Variants in GPATCH8 observed in about 807,000 individuals in gnomAD.
GPATCH8 encodes G patch domain-containing protein 8.
GPATCH8 carries 18 observed loss-of-function variants against 118.3 expected under a neutral mutation model. That is an observed-to-expected ratio of 0.15 (90% CI 0.11 to 0.23). GPATCH8 has a LOEUF of 0.23. Among genes scored for constraint, GPATCH8 ranks in the 10% least tolerant of loss-of-function variants. The pLI is 1.00. For missense variants in GPATCH8, 1,631 were observed against 1,873.8 expected, an observed-to-expected ratio of 0.87 and a Z score of 2.39; for synonymous variants, 659 against 684.7, an observed-to-expected ratio of 0.96 and a Z score of 0.59.
chr17:44,408,720 A>G (rs1224888862), intron 6 of GPATCH8, among the ~76,000 whole-genome samples: 4 of 152,212 alleles, frequency 2.6e-5, no homozygotes, highest in African/African-American at 9.7e-5. Flanking sequence ...AAGGAACAGG[A>G]CCATGCCCAC....
chr17:44,403,232 T>C (rs948290340), intron 7 of GPATCH8, among the ~76,000 whole-genome samples: 2 of 152,122 alleles, frequency 1.3e-5, no homozygotes, highest in Non-Finnish European at 2.9e-5. Flanking sequence ...TGTACCACCA[T>C]GCCCAGCTAA....
chr17:44,465,808 T>C (rs763714715), intron 2 of GPATCH8: 2 of 152,198 alleles, frequency 1.3e-5, no homozygotes, highest in Admixed American at 6.5e-5. Flanking sequence ...ATCTCCATAT[T>C]CAATGATAAA....
At chr17:44,441,071 G>C (rs1480177403) in intron 3 of GPATCH8, among the ~76,000 whole-genome samples, 1 of 152,076 alleles carries the variant, frequency 6.6e-6, no homozygotes, top group Non-Finnish European at 1.5e-5. Context: ...GGATGGTCTC[G>C]ATCTCTTGAC....
intron 3 of GPATCH8, among the ~76,000 whole-genome samples, chr17:44,457,454 G>A (rs1230494165): frequency 2.6e-5 from 4 of 151,938 alleles, no homozygotes. Context: ...TTCTTAAAAC[G>A]ATGTGTGAGA....
chr17:44,433,878 C>T (rs1200898520), intron 5 of GPATCH8, among the ~76,000 whole-genome samples: 1 of 152,140 alleles, frequency 6.6e-6, no homozygotes, highest in South Asian at 2.1e-4. Flanking sequence ...GTGGCTCACG[C>T]CTGTAATCCC....
intron 3 of GPATCH8, chr17:44,436,904 C>T (rs751661317): frequency 3.9e-6 from 1 of 259,016 alleles, no homozygotes; most frequent in Non-Finnish European, 7.6e-6. Flanking sequence ...TCACTTTACT[C>T]TGCCCACTGA....
At chr17:44,401,990 C>T (rs1410651633) in intron 7 of GPATCH8, among the ~76,000 whole-genome samples, 3 of 145,144 alleles carry the variant, frequency 2.1e-5, no homozygotes, top group Non-Finnish European at 3.0e-5. Flanking sequence ...GGTGACAGAG[C>T]GAGACTCCCT....
chr17:44,474,991 C>G, intron 1 of GPATCH8, 88 bp from the exon 2 acceptor site: 1 of 713,878 alleles, frequency 1.4e-6, no homozygotes, highest in South Asian at 1.6e-5. Flanking sequence ...TTATTTTTAA[C>G]TTTTCTTTTT....
At chr17:44,480,785 C>T (rs565383981) in intron 1 of GPATCH8, among the ~76,000 whole-genome samples, 4 of 151,992 alleles carry the variant, frequency 2.6e-5, no homozygotes, top group South Asian at 4.2e-4. Flanking sequence ...GCAGGAGAAT[C>T]GCTTGAACCC....
intron 3 of GPATCH8, among the ~76,000 whole-genome samples, chr17:44,454,108 A>G (rs1395232323): frequency 6.6e-6 from 1 of 152,136 alleles, no homozygotes; most frequent in East Asian, 1.9e-4. Context: ...GACTTAGTGA[A>G]GTCACCCCTA....
chr17:44,401,070 T>C lies in GPATCH8; in HGVS notation c.1007A>G (p.Glu336Gly), dbSNP rs2058608640. Residue 336 changes from glutamate (E) to glycine (G), a missense_variant, in exon 8 of 8, where the codon GAG (glutamate) becomes GGG (glycine). Coordinates refer to ENST00000591680, the MANE Select transcript of GPATCH8 (RefSeq NM_001002909.4). The stretch of plus-strand genomic sequence containing the variant: ...CTGCAGTCCTTGGTCAGAACTCTTC[T>C]CATCGGGTTTTGTTCCATCTTCAGA... The part of the protein sequence containing the change: ...GTSEDGTKPD[E>G]KSSDQGLQKV... 1 of 1,614,200 alleles carries C rather than the reference T, an allele frequency of 6.2e-7. No individual in the cohort carries two copies. Among genetic ancestry groups the C allele is most frequent in the Non-Finnish European group, 8.5e-7 (1 of 1,180,018 alleles).
In GPATCH8 at chr17:44,419,438, G is replaced by A. The variant is rs2049810321; in HGVS notation, c.492+4911C>T. Among the ~76,000 whole-genome samples, 5 of 152,106 alleles carry A rather than the reference G, an allele frequency of 3.3e-5. No homozygotes were observed. In the South Asian group the frequency reaches 1.0e-3, roughly 32 times the overall value. On this transcript the variant is annotated intron_variant, in intron 6 of 7. Coordinates refer to ENST00000591680, the MANE Select transcript of GPATCH8 (RefSeq NM_001002909.4). ...AAAATATGTCCTTCCTCCTGTTAGG[G>A]GTTATGTGGCTGTGTTGTACCAAGG...
chr17:44,405,564 G>A (rs2049189306), intron 7 of GPATCH8, among the ~76,000 whole-genome samples: 1 of 149,260 alleles, frequency 6.7e-6, no homozygotes, highest in African/African-American at 2.5e-5. Context: ...GAGTACAGTG[G>A]TGCGATCTTG....
At chr17:44,431,621 G>A (rs928144594) in intron 5 of GPATCH8, among the ~76,000 whole-genome samples, 1 of 151,914 alleles carries the variant, frequency 6.6e-6, no homozygotes, top group African/African-American at 2.4e-5. Flanking sequence ...AAGTCTGGTA[G>A]AGCTATTTGG....
chr17:44,429,691 A>AC (rs375714208), intron 5 of GPATCH8, among the ~76,000 whole-genome samples: 46 of 78,290 alleles, frequency 5.9e-4, no homozygotes, highest in South Asian at 1.1e-3. Context: ...CACACAAAAC[A>AC]ACAAACAAAC....
chr17:44,401,545 C>T (rs2049023889), intron 7 of GPATCH8, 92 bp from the exon 8 acceptor site: 2 of 849,740 alleles, frequency 2.4e-6, no homozygotes, highest in Non-Finnish European at 4.1e-6. Context: ...TATATCCTAT[C>T]ATTCATTATA....
chr17:44,441,578 G>A (rs1338633961), intron 3 of GPATCH8, among the ~76,000 whole-genome samples: 1 of 150,902 alleles, frequency 6.6e-6, no homozygotes, highest in Non-Finnish European at 1.5e-5. Context: ...ACAAAAATTA[G>A]CTGGGCGTGG....
intron 2 of GPATCH8, among the ~76,000 whole-genome samples, chr17:44,469,395 C>CTT (rs1347449993): frequency 6.6e-6 from 1 of 152,162 alleles, no homozygotes; most frequent in African/African-American, 2.4e-5. Context: ...ACCACCAATA[C>CTT]ACATGTATGA....
Position 44,397,283 on chromosome 17 carries a change from A to G in GPATCH8, c.*285T>C. ...GGATTATCTAAACTTGACAGTTTGG[A>G]GATGTTGCTGCAGAGGGGTGGGTAG... is the stretch of plus-strand genomic sequence containing the variant. On this transcript the variant is annotated 3_prime_UTR_variant, in exon 8 of 8. Transcript: ENST00000591680. 1.7e-6 allele frequency: 1 copy of G among 599,960 alleles called. No homozygotes were observed. The highest frequency in any genetic ancestry group is 3.1e-6 in the Non-Finnish European group (1 of 320,518). The allele number at this position is 599,960 out of a possible 1,614,324, so 37.2% of individuals were successfully genotyped here. A position where few individuals can be genotyped will look rare whatever the true frequency, so the allele number is the denominator to read the frequency against.
Sources: allele counts gnomAD v4.1 joint callset (sites outside exome capture counted in the v4.1 genomes callset), GRCh38; gene constraint gnomAD v4.1.1; transcripts MANE v1.5; gene names NCBI Gene and HGNC (gene_info 2026-07-23, HGNC 2026-07-21).